TENM3: variants seen among roughly 807,000 people sequenced by gnomAD.
TENM3 encodes teneurin transmembrane protein 3, also known as teneurin-3.
In TENM3, 63 loss-of-function variants were observed where a neutral mutation model predicts 255.1. The observed-to-expected ratio is 0.25, with a 90% CI of 0.20 to 0.30. The LOEUF (loss-of-function observed/expected upper bound fraction) is 0.30, where lower values mean the gene tolerates loss of function less well. TENM3 is among the 10% of genes least tolerant of loss of function. The probability of loss-of-function intolerance (pLI) is 1.00; values close to 1 mark genes in which losing one functional copy is unlikely to be tolerated. For synonymous variants in TENM3, 1,306 were observed against 1,322.3 expected, an observed-to-expected ratio of 0.99 and a Z score of 0.27; for missense variants, 2,929 against 3,461.1, an observed-to-expected ratio of 0.85 and a Z score of 3.86.
At chr4:182,196,271 G>C (rs922254590) in intron 1 of TENM3, among the ~76,000 whole-genome samples, 2 of 152,064 alleles carry the variant, frequency 1.3e-5, no homozygotes, top group South Asian at 2.1e-4. Context: ...TTTTTGGACC[G>C]AGTTGCTAAG....
At chr4:181,918,216 A>G in the TENM3 span, among the ~76,000 whole-genome samples, 1 of 152,186 alleles carries the variant, frequency 6.6e-6, no homozygotes, top group Non-Finnish European at 1.5e-5. Flanking sequence ...CTTTCTGAAT[A>G]GTATTAATAA....
chr4:181,681,460 G>A, the TENM3 span, among the ~76,000 whole-genome samples: 1 of 152,054 alleles, frequency 6.6e-6, no homozygotes, highest in East Asian at 1.9e-4. Context: ...GGGGTTCAGT[G>A]GGCCGTGATT....
intron 3 of TENM3, among the ~76,000 whole-genome samples, chr4:182,397,206 G>C (rs1768887422): frequency 6.7e-6 from 1 of 149,556 alleles, no homozygotes; most frequent in Non-Finnish European, 1.5e-5. Flanking sequence ...GAGCAGAGTA[G>C]GGAGACAAGT....
At position 182,792,869 on chromosome 4, in the gene TENM3, T is replaced by G; in HGVS notation, c.6197T>G (p.Ile2066Ser). ...AAGTTTGGAGTTATATATTATGATA[T>G]TAACCAGATCATTTCTACAGCTGTA... is the stretch of plus-strand genomic sequence containing the variant. ...FGKFGVIYYD[I>S]NQIISTAVMT... Residue 2066 changes from isoleucine (I) to serine (S), a missense_variant, in exon 26 of 28, where the codon ATT (isoleucine) becomes AGT (serine). Ile to Ser is a moderately radical substitution (Grantham distance 142, BLOSUM62 -2). Around this residue, in one of 6 missense-constraint regions of TENM3, gnomAD observed 256 missense variants for 389.3 expected, o/e 0.66. Coordinates refer to ENST00000511685, the MANE Select transcript of TENM3 (RefSeq NM_001080477.4). This position sits in a 1 kb window ranked among gnomAD's most constrained non-coding sequence, Gnocchi z 6.3. The G allele has an allele frequency of 3.1e-6, 5 of 1,613,956 alleles. No homozygotes were observed. Among genetic ancestry groups the G allele is most frequent in the Non-Finnish European group, 4.2e-6 (5 of 1,179,840 alleles).
the TENM3 span, among the ~76,000 whole-genome samples, chr4:182,064,567 C>A: frequency 6.6e-5 from 10 of 150,738 alleles, 1 homozygote; most frequent in African/African-American, 2.5e-4. Context: ...GGCAACAGAG[C>A]GAGACTTTGT....
intron 16 of TENM3, among the ~76,000 whole-genome samples, chr4:182,734,937 A>G (rs1761051944): frequency 6.6e-6 from 1 of 152,184 alleles, no homozygotes; most frequent in African/African-American, 2.4e-5. Flanking sequence ...TGTATCGGAA[A>G]TTATTTTGAA....
At chr4:181,522,358 A>G in the TENM3 span, among the ~76,000 whole-genome samples, 11 of 152,254 alleles carry the variant, frequency 7.2e-5, no homozygotes, top group East Asian at 5.8e-4. Flanking sequence ...AGCTTCTAAA[A>G]TGTTCTGACA....
the TENM3 span, among the ~76,000 whole-genome samples, chr4:181,920,699 T>C: frequency 1.3e-5 from 2 of 151,716 alleles, no homozygotes; most frequent in Admixed American, 1.3e-4. Flanking sequence ...TTCACTCTGA[T>C]GGTAGTTTCT....
At chr4:181,743,495 G>A in the TENM3 span, among the ~76,000 whole-genome samples, 2 of 152,154 alleles carry the variant, frequency 1.3e-5, no homozygotes, top group Non-Finnish European at 2.9e-5. Context: ...TTGAGCAAAG[G>A]CTTGAAGGAG....
At chr4:182,760,871 G>C (rs767580662) in intron 22 of TENM3, among the ~76,000 whole-genome samples, 5 of 152,178 alleles carry the variant, frequency 3.3e-5, no homozygotes, top group Non-Finnish European at 7.3e-5. Context: ...GAAGAGGAAA[G>C]ACAGGCAATG....
In TENM3 at chr4:182,343,180, A is replaced by G. The variant is rs149219747; in HGVS notation, c.233-3471A>G. Reference sequence around the variant, plus strand: ...TGAGTGTCATAAAACAAAAATGCCTAATATAATCCGAGCTAACCTTGCCTT... The same window carrying G: ...TGAGTGTCATAAAACAAAAATGCCTGATATAATCCGAGCTAACCTTGCCTT... On this transcript the variant is annotated intron_variant, in intron 2 of 27. Transcript: ENST00000511685. Among the ~76,000 whole-genome samples, 4 of 152,304 alleles carry G rather than the reference A, an allele frequency of 2.6e-5. No individual in the cohort carries two copies. The East Asian group carries it at 7.7e-4, about 29-fold the overall frequency.
chr4:181,692,939 G>T, the TENM3 span, among the ~76,000 whole-genome samples: 2 of 152,132 alleles, frequency 1.3e-5, no homozygotes, highest in Non-Finnish European at 2.9e-5. Flanking sequence ...GAAACTACTC[G>T]AAGAGTTCAG....
At chr4:181,893,218 A>C in the TENM3 span, among the ~76,000 whole-genome samples, 2 of 152,182 alleles carry the variant, frequency 1.3e-5, no homozygotes, top group African/African-American at 4.8e-5. Flanking sequence ...AAATGACAAA[A>C]ACGGTGTTCC....
chr4:181,469,681 G>GTT, the TENM3 span, among the ~76,000 whole-genome samples: 2 of 72,792 alleles, frequency 2.7e-5, no homozygotes, highest in African/African-American at 4.5e-5. Flanking sequence ...CCAGAAAATT[G>GTT]TTGAGTAGTT....
the TENM3 span, among the ~76,000 whole-genome samples, chr4:181,664,423 T>C: frequency 6.6e-6 from 1 of 150,676 alleles, no homozygotes; most frequent in African/African-American, 2.5e-5. Context: ...TGGGCCCAGG[T>C]CGCACCACTG....
the TENM3 span, among the ~76,000 whole-genome samples, chr4:182,136,376 C>T: frequency 6.6e-6 from 1 of 151,996 alleles, no homozygotes; most frequent in African/African-American, 2.4e-5. Context: ...TTTTTTCAAG[C>T]AGTTCTGATT....
At chr4:182,526,968 G>A (rs1449244325) in intron 3 of TENM3, among the ~76,000 whole-genome samples, 2 of 141,590 alleles carry the variant, frequency 1.4e-5, no homozygotes, top group African/African-American at 3.0e-5. Flanking sequence ...TCCTTTCTGA[G>A]TTCTTTAATT....
chr4:182,316,942 C>A (rs1762784221), intron 1 of TENM3, among the ~76,000 whole-genome samples: 1 of 152,200 alleles, frequency 6.6e-6, no homozygotes, highest in Non-Finnish European at 1.5e-5. Flanking sequence ...TGATCCATGG[C>A]ACAGCTTAAT....
the TENM3 span, among the ~76,000 whole-genome samples, chr4:181,452,818 T>C: frequency 1.3e-5 from 2 of 152,302 alleles, no homozygotes; most frequent in East Asian, 1.9e-4. Flanking sequence ...GAGGAAAGCA[T>C]AGATACTAAT....
Sources: allele counts gnomAD v4.1 joint callset (sites outside exome capture counted in the v4.1 genomes callset), GRCh38; gene constraint gnomAD v4.1.1; regional missense constraint gnomAD v4.1.1; non-coding constraint Gnocchi (gnomAD v3.1); transcripts MANE v1.5; gene names NCBI Gene and HGNC (gene_info 2026-07-23, HGNC 2026-07-21).